Variants in SUCLG2 observed in about 807,000 individuals in gnomAD.
The protein encoded by SUCLG2 is succinate-CoA ligase GDP-forming subunit beta, also known as succinate--CoA ligase [GDP-forming] subunit beta, mitochondrial.
SUCLG2 carries 42 observed loss-of-function variants against 47.9 expected under a neutral mutation model. The ratio of observed to expected loss-of-function variants is 0.88; its 90% CI spans 0.69 to 1.14. The LOEUF (loss-of-function observed/expected upper bound fraction) is 1.14. Ranked by LOEUF, SUCLG2 falls within the 50% of genes most tolerant of loss-of-function variation. The pLI is 0.00. For missense variants in SUCLG2, 571 were observed against 525.9 expected, an observed-to-expected ratio of 1.09 and a Z score of -0.84; for synonymous variants, 195 against 197.3, an observed-to-expected ratio of 0.99 and a Z score of 0.10.
At chr3:67,641,446 G>A (rs1701098133) in intron 1 of SUCLG2, among the ~76,000 whole-genome samples, 1 of 152,102 alleles carries the variant, frequency 6.6e-6, no homozygotes, top group African/African-American at 2.4e-5. Flanking sequence ...TCACATATTA[G>A]GTTGGTGCAA....
intron 4 of SUCLG2, among the ~76,000 whole-genome samples, chr3:67,522,314 G>A (rs1468947879): frequency 2.6e-5 from 4 of 151,974 alleles, no homozygotes; most frequent in Admixed American, 2.0e-4. Flanking sequence ...CAAAGTGTTG[G>A]GATTACAGGC....
At chr3:67,550,855 G>A (rs1706994963) in intron 2 of SUCLG2, among the ~76,000 whole-genome samples, 1 of 149,456 alleles carries the variant, frequency 6.7e-6, no homozygotes. Flanking sequence ...AAATGAAGCT[G>A]ATAATAAAAG....
intron 1 of SUCLG2, among the ~76,000 whole-genome samples, chr3:67,645,467 T>A (rs1433914355): frequency 6.6e-6 from 1 of 152,192 alleles, no homozygotes; most frequent in Admixed American, 6.5e-5. Context: ...CTGCATCATT[T>A]TAAAATTCAT....
intron 9 of SUCLG2, among the ~76,000 whole-genome samples, chr3:67,488,134 G>T (rs1705108266): frequency 6.6e-6 from 1 of 151,378 alleles, no homozygotes; most frequent in South Asian, 2.1e-4. Flanking sequence ...TTTTAAAAAG[G>T]TATATATAAA....
chr3:67,584,414 G>A (rs1165716184), intron 2 of SUCLG2, among the ~76,000 whole-genome samples: 2 of 152,160 alleles, frequency 1.3e-5, no homozygotes, highest in African/African-American at 2.4e-5. Flanking sequence ...AGGGCATAAG[G>A]AATCTTATTG....
intron 9 of SUCLG2, among the ~76,000 whole-genome samples, chr3:67,428,178 T>A (rs1030599063): frequency 6.6e-6 from 1 of 152,188 alleles, no homozygotes; most frequent in Non-Finnish European, 1.5e-5. Flanking sequence ...GTAGCCTAAC[T>A]GGGAGGCACC....
chr3:67,562,385 C>A (rs557375539), intron 2 of SUCLG2, among the ~76,000 whole-genome samples: 5 of 152,172 alleles, frequency 3.3e-5, no homozygotes, highest in South Asian at 2.1e-4. Context: ...TCAAGTGATT[C>A]TCCTGCCTCA....
intron 9 of SUCLG2, among the ~76,000 whole-genome samples, chr3:67,486,275 CAAGAAAG>C (rs1332600799): frequency 6.6e-6 from 1 of 150,628 alleles, no homozygotes; most frequent in Non-Finnish European, 1.5e-5. Context: ...AAAAGACAGT[CAAGAAAG>C]AAGAAAGAAA....
chr3:67,609,658 C>G (rs1350222336), intron 1 of SUCLG2, 62 bp from the exon 2 acceptor site: 45 of 1,539,890 alleles, frequency 2.9e-5, no homozygotes, highest in Non-Finnish European at 1.5e-5. Context: ...TAAAAGTCAA[C>G]CTACATGGCC....
intron 9 of SUCLG2, among the ~76,000 whole-genome samples, chr3:67,487,497 T>TACACACACACACAC (rs780375893): frequency 2.0e-4 from 11 of 55,046 alleles, no homozygotes; most frequent in Admixed American, 1.2e-3. Flanking sequence ...CAAACACACA[T>TACACACACACACAC]ATACACACAC....
intron 10 of SUCLG2, among the ~76,000 whole-genome samples, chr3:67,368,426 TTGC>T (rs1445139302): frequency 1.3e-5 from 2 of 152,144 alleles, no homozygotes; most frequent in Admixed American, 1.3e-4. Flanking sequence ...TCATTTTTAG[TTGC>T]TGGTCTTTTC....
intron 2 of SUCLG2, among the ~76,000 whole-genome samples, chr3:67,538,825 G>T (rs978714607): frequency 6.6e-6 from 1 of 152,158 alleles, no homozygotes; most frequent in Non-Finnish European, 1.5e-5. Context: ...TAGCAATTGT[G>T]AATGTGAGTT....
chr3:67,427,849 T>C (rs1215942594), intron 9 of SUCLG2, among the ~76,000 whole-genome samples: 1 of 152,172 alleles, frequency 6.6e-6, no homozygotes, highest in African/African-American at 2.4e-5. Flanking sequence ...CCCACAACCA[T>C]GGAGCCTCAC....
At chr3:67,517,336 T>G (rs115055219) in intron 6 of SUCLG2, among the ~76,000 whole-genome samples, 1 of 152,188 alleles carries the variant, frequency 6.6e-6, no homozygotes, top group Non-Finnish European at 1.5e-5. Flanking sequence ...GAGTGCATCA[T>G]GTACTGTCTT....
At chr3:67,541,990 T>C (rs908108184) in intron 2 of SUCLG2, among the ~76,000 whole-genome samples, 9 of 151,902 alleles carry the variant, frequency 5.9e-5, no homozygotes, top group African/African-American at 2.2e-4. Context: ...TGCCTCAGCC[T>C]CCCAAGTAGC....
At chr3:67,420,804 G>A (rs1250345306) in intron 9 of SUCLG2, among the ~76,000 whole-genome samples, 1 of 152,068 alleles carries the variant, frequency 6.6e-6, no homozygotes. Flanking sequence ...AGTGTGTGTG[G>A]GTATTTATCT....
intron 2 of SUCLG2, among the ~76,000 whole-genome samples, chr3:67,568,280 C>T (rs533587913): frequency 5.3e-5 from 8 of 152,182 alleles, no homozygotes; most frequent in Non-Finnish European, 1.2e-4. Flanking sequence ...CAAGTGGAGA[C>T]ACCCAGCTGG....
At chr3:67,618,817 G>A (rs561197173) in intron 1 of SUCLG2, among the ~76,000 whole-genome samples, 7 of 152,288 alleles carry the variant, frequency 4.6e-5, no homozygotes, top group East Asian at 1.9e-4. Flanking sequence ...AAAAGCCAGC[G>A]TTGAAGGGAT....
intron 9 of SUCLG2, among the ~76,000 whole-genome samples, chr3:67,449,418 T>C (rs544720498): frequency 4.3e-4 from 66 of 152,282 alleles, no homozygotes; most frequent in Admixed American, 3.2e-3. Flanking sequence ...AACTCTATAT[T>C]CATTCTGCAG....
Sources: gnomAD v4.1 joint callset for allele counts (sites outside exome capture counted in the v4.1 genomes callset) on GRCh38, gnomAD v4.1.1 for gene constraint, MANE v1.5 for transcripts, NCBI Gene and HGNC (gene_info 2026-07-23, HGNC 2026-07-21) for gene names.